USP24: variants seen among roughly 807,000 people sequenced by gnomAD.
USP24 encodes ubiquitin specific peptidase 24.
A neutral mutation model predicts 361.6 loss-of-function variants in USP24; 97 were observed. That is an observed-to-expected ratio of 0.27 (90% confidence interval 0.23 to 0.32). The LOEUF (loss-of-function observed/expected upper bound fraction) is 0.32. USP24 is among the 10% of genes least tolerant of loss of function. The pLI is 1.00. For synonymous variants in USP24, 1,098 were observed against 1,124.6 expected (o/e 0.98, Z 0.47); for missense variants, 2,353 against 3,165.6 (o/e 0.74, Z 6.16).
At chr1:55,132,849 T>C (rs941014246) in intron 30 of USP24, 149 bp from the exon 31 acceptor site, 1 of 724,536 alleles carries the variant, frequency 1.4e-6, no homozygotes, top group South Asian at 2.6e-5. Flanking sequence ...TAAAACCACA[T>C]CACTCCGTAA....
chr1:55,215,052 GC>G lies in USP24; in HGVS notation c.61del (p.Ala21ProfsTer116). ...CAGGCGCAGGGCCTTGCGGATGGTGGCGGGGTCTGAGAAGCCCATGCACAGC... is the reference window on the plus strand; with the variant it reads ...CAGGCGCAGGGCCTTGCGGATGGTGGGGGGTCTGAGAAGCCCATGCACAGC... ...TLLCMGFSDP[A>X]TIRKALRLAK... On this transcript the variant is annotated frameshift_variant, in exon 1 of 68. Coordinates refer to ENST00000294383, the MANE Select transcript of USP24 (RefSeq NM_015306.3). LOFTEE classifies it high-confidence loss of function. 6.8e-7 allele frequency: 1 copy of G among 1,466,228 alleles called. No individual in the cohort carries two copies. 90.8% of individuals were successfully genotyped at this position (1,466,228 alleles called of 1,614,324 possible). A position where few individuals can be genotyped will look rare whatever the true frequency, so the allele number is the denominator to read the frequency against.
chr1:55,191,997 A>C (rs1644302011), intron 1 of USP24, among the ~76,000 whole-genome samples: 1 of 152,216 alleles, frequency 6.6e-6, no homozygotes, highest in Admixed American at 6.5e-5. Context: ...CATATCCAGA[A>C]ACTTGCCCGT....
chr1:55,106,346 A>G, intron 40 of USP24, 83 bp from the exon 41 acceptor site: 1 of 1,116,986 alleles, frequency 9.0e-7, no homozygotes, highest in South Asian at 1.4e-5. Context: ...TTATCAGAGC[A>G]GCAAAGGTAC....
intron 12 of USP24, among the ~76,000 whole-genome samples, chr1:55,156,302 A>T (rs935138239): frequency 6.6e-6 from 1 of 152,206 alleles, no homozygotes; most frequent in Non-Finnish European, 1.5e-5. Context: ...CAGCATACAA[A>T]TGTAGTCAAA....
intron 35 of USP24, 77 bp downstream of exon 35, chr1:55,124,392 C>T: frequency 2.0e-6 from 3 of 1,497,298 alleles, no homozygotes; most frequent in Admixed American, 4.5e-5. Context: ...TTTTGTGACT[C>T]TGGCAAACCT....
rs1246308857 is a variant in USP24, at chr1:55,148,559, A to G, written c.1872T>C (p.Leu624=). Residue 624 remains leucine (L), a synonymous_variant, in exon 17 of 68, where the codon CTT becomes CTC. Coordinates refer to ENST00000294383, the MANE Select transcript of USP24 (RefSeq NM_015306.3). ...CCACCCATACAAACTGGGGATTATTAAGCTGAGATGACTAGAGTTAAAAAG... is the reference window on the plus strand; with the variant it reads ...CCACCCATACAAACTGGGGATTATTGAGCTGAGATGACTAGAGTTAAAAAG... The part of the protein sequence containing the change: ...NKKDGFKSSQ[L]NNPQFVWVVP... 2 of 1,583,026 alleles carry G rather than the reference A, an allele frequency of 1.3e-6. No homozygotes were observed. Among genetic ancestry groups the G allele is most frequent in the African/African-American group, 2.7e-5 (2 of 74,258 alleles).
intron 56 of USP24, among the ~76,000 whole-genome samples, chr1:55,084,767 C>CT (rs1645216274): frequency 6.6e-6 from 1 of 152,192 alleles, no homozygotes; most frequent in Non-Finnish European, 1.5e-5. Context: ...ATCAGCTGGG[C>CT]ATCAGACAGA....
chr1:55,153,446 T>C (rs755281848), intron 16 of USP24, among the ~76,000 whole-genome samples: 2 of 152,164 alleles, frequency 1.3e-5, no homozygotes, highest in Non-Finnish European at 2.9e-5. Flanking sequence ...AACACTACTA[T>C]GTGCAATCGA....
chr1:55,138,919 A>G (rs1193552523), intron 25 of USP24, 25 bp downstream of exon 25: 2 of 1,607,292 alleles, frequency 1.2e-6, no homozygotes, highest in Admixed American at 1.7e-5. Flanking sequence ...AGCAACATAC[A>G]TCTTAAAAAA....
At chr1:55,147,911 A>G (rs956105643) in intron 17 of USP24, 113 bp from the exon 18 acceptor site, 12 of 1,111,304 alleles carry the variant, frequency 1.1e-5, no homozygotes, top group Non-Finnish European at 1.5e-5. Flanking sequence ...AGCAAACATA[A>G]GAATTTCCTC....
chr1:55,207,496 A>T (rs1456677530), intron 1 of USP24, among the ~76,000 whole-genome samples: 3 of 152,210 alleles, frequency 2.0e-5, no homozygotes, highest in Non-Finnish European at 2.9e-5. Flanking sequence ...TGCAGATTCA[A>T]CCAACTGCAA....
intron 57 of USP24, 84 bp downstream of exon 57, chr1:55,083,688 T>C (rs1416543641): frequency 3.0e-6 from 3 of 994,108 alleles, no homozygotes; most frequent in East Asian, 2.6e-5. Flanking sequence ...ACATACCATA[T>C]AGAACTTTAC....
intron 63 of USP24, among the ~76,000 whole-genome samples, chr1:55,074,685 T>TA (rs1187428112): frequency 6.8e-6 from 1 of 147,946 alleles, no homozygotes; most frequent in African/African-American, 2.5e-5. Context: ...TAAATAAAAA[T>TA]AAAAAATAAT....
chr1:55,107,354 T>C lies in USP24; in HGVS notation c.4647A>G (p.Glu1549=). 1 of 1,613,846 alleles carries C rather than the reference T, an allele frequency of 6.2e-7. No homozygotes were observed. Among genetic ancestry groups the C allele is most frequent in the African/African-American group, 1.3e-5 (1 of 75,008 alleles). ...TCTCACATTCAGCTGTACGATTAGGTTCAAAGTTATCCAGCCAAGTAATCT... is the reference window on the plus strand; with the variant it reads ...TCTCACATTCAGCTGTACGATTAGGCTCAAAGTTATCCAGCCAAGTAATCT... ...EDEITWLDNF[E]PNRTAECETS... The change falls in exon 40 of 68, where the codon GAA becomes GAG. Residue 1549 remains glutamate, a synonymous_variant. Transcript: ENST00000294383.
Position 55,124,548 on chromosome 1 carries a change from A to G in USP24, c.4041T>C (p.Asp1347=). 6.2e-7 allele frequency: 1 copy of G among 1,613,962 alleles called. No homozygotes were observed. Among genetic ancestry groups the G allele is most frequent in the Non-Finnish European group, 8.5e-7 (1 of 1,179,878 alleles). ...TAATTGGCTGGCTACTCCCAACAAGATCAAGCCGTCCTGCAGCCGCAGCCC... is the reference window on the plus strand; with the variant it reads ...TAATTGGCTGGCTACTCCCAACAAGGTCAAGCCGTCCTGCAGCCGCAGCCC... ...LSWAAAAGRL[D]LVGSSQPIKE... Residue 1347 remains aspartate, a synonymous_variant, in exon 35 of 68, where the codon GAT becomes GAC. Coordinates refer to ENST00000294383, the MANE Select transcript of USP24 (RefSeq NM_015306.3).
intron 7 of USP24, among the ~76,000 whole-genome samples, chr1:55,163,707 T>C (rs1038515812): frequency 3.3e-5 from 5 of 152,084 alleles, no homozygotes; most frequent in African/African-American, 9.7e-5. Flanking sequence ...AAAACAAATA[T>C]ACAGTTGACC....
Position 55,171,502 on chromosome 1 carries a change from ATCT to A in USP24, c.825+51_825+53del, listed in dbSNP as rs1203115704. 8 of 1,542,702 alleles carry A rather than the reference ATCT, an allele frequency of 5.2e-6. No homozygotes were observed. The African/African-American group carries it at 9.7e-5, about 19-fold the overall frequency. On this transcript the variant is annotated intron_variant, in intron 5 of 67. Transcript: ENST00000294383. ...ACTTGTCTTTTTTATAGCACAGAAAATCTTCTTTTTCAATACATTTTTCTATAA... is the reference window on the plus strand; with the variant it reads ...ACTTGTCTTTTTTATAGCACAGAAAATCTTTTTCAATACATTTTTCTATAA...
intron 19 of USP24, 126 bp downstream of exon 19, chr1:55,146,803 C>G: frequency 9.4e-7 from 1 of 1,067,706 alleles, no homozygotes; most frequent in South Asian, 1.9e-5. Flanking sequence ...TCAGCACTTA[C>G]AGTTCTTGGC....
chr1:55,097,222 G>GC, intron 48 of USP24, 50 bp from the exon 49 acceptor site: 1 of 1,582,012 alleles, frequency 6.3e-7, no homozygotes, highest in Non-Finnish European at 8.6e-7. Flanking sequence ...AACATATACA[G>GC]CAGTACCCAG....
Sources: gnomAD v4.1 joint callset for allele counts (sites outside exome capture counted in the v4.1 genomes callset) on GRCh38, gnomAD v4.1.1 for gene constraint, MANE v1.5 for transcripts, NCBI Gene and HGNC (gene_info 2026-07-23, HGNC 2026-07-21) for gene names.